The following DOCK3 variants were observed in gnomAD, a reference collection of about 807,000 sequenced individuals.
The protein encoded by DOCK3 is dedicator of cytokinesis protein 3.
A neutral mutation model predicts 265.6 loss-of-function variants in DOCK3; 60 were observed. The observed-to-expected ratio is 0.23, with a 90% confidence interval of 0.18 to 0.28. The LOEUF is 0.28. DOCK3 is among the 10% of genes least tolerant of loss of function. The probability of loss-of-function intolerance (pLI) is 1.00; values close to 1 mark genes in which losing one functional copy is unlikely to be tolerated. For missense variants in DOCK3, 1,981 were observed against 2,594.3 expected (o/e 0.76, Z 5.14); for synonymous variants, 881 against 938.0 (o/e 0.94, Z 1.11).
chr3:51,100,213 A>C (rs2083030503), intron 9 of DOCK3, among the ~76,000 whole-genome samples: 1 of 152,174 alleles, frequency 6.6e-6, no homozygotes, highest in Non-Finnish European at 1.5e-5. Flanking sequence ...AAATCCAAAA[A>C]CTACCTGACG....
At chr3:51,312,987 T>C (rs1341608608) in intron 31 of DOCK3, 85 bp downstream of exon 31, 1 of 1,284,370 alleles carries the variant, frequency 7.8e-7, no homozygotes, top group African/African-American at 1.5e-5. Context: ...TCCCAGGCTT[T>C]ATGAATGTTA....
At chr3:51,193,917 A>T (rs951006933) in intron 12 of DOCK3, among the ~76,000 whole-genome samples, 4 of 133,394 alleles carry the variant, frequency 3.0e-5, no homozygotes, top group Non-Finnish European at 6.4e-5. Context: ...TTCAGTCTCT[A>T]TTTCATTTTG....
At chr3:51,305,761 T>TG (rs779031609) in intron 27 of DOCK3, among the ~76,000 whole-genome samples, 73 of 149,460 alleles carry the variant, frequency 4.9e-4, no homozygotes, top group South Asian at 1.3e-3. Flanking sequence ...TGTGTGTGTG[T>TG]TTTTATTATA....
At chr3:50,806,539 G>T (rs1020412319) in intron 2 of DOCK3, among the ~76,000 whole-genome samples, 4 of 151,204 alleles carry the variant, frequency 2.6e-5, no homozygotes, top group Non-Finnish European at 5.9e-5. Context: ...GTAAGGACAT[G>T]GCTGGCTCTC....
At chr3:51,317,275 A>G (rs1315397197) in intron 32 of DOCK3, among the ~76,000 whole-genome samples, 3 of 151,678 alleles carry the variant, frequency 2.0e-5, no homozygotes, top group African/African-American at 7.2e-5. Context: ...CAAAAAAAAA[A>G]AAGAAAAACA....
At chr3:51,257,392 A>G (rs1371860943) in intron 22 of DOCK3, among the ~76,000 whole-genome samples, 2 of 152,140 alleles carry the variant, frequency 1.3e-5, no homozygotes, top group Non-Finnish European at 2.9e-5. Context: ...ATATCTTTCC[A>G]CTCATAACCT....
At chr3:51,310,545 A>G (rs1200648480) in intron 28 of DOCK3, among the ~76,000 whole-genome samples, 1 of 152,246 alleles carries the variant, frequency 6.6e-6, no homozygotes, top group Non-Finnish European at 1.5e-5. Flanking sequence ...TATAATATCC[A>G]GAGAAGGGTT....
intron 38 of DOCK3, among the ~76,000 whole-genome samples, chr3:51,347,543 CT>C (rs1192236203): frequency 2.6e-5 from 4 of 152,112 alleles, no homozygotes; most frequent in Non-Finnish European, 1.5e-5. Flanking sequence ...TCACTGTAGC[CT>C]TGTAGTATAG....
intron 1 of DOCK3, among the ~76,000 whole-genome samples, chr3:50,704,643 T>TTTTA: frequency 8.9e-6 from 1 of 112,698 alleles, no homozygotes; most frequent in South Asian, 3.0e-4. Context: ...TTTTTTTTTT[T>TTTTA]GAGACGGAGT....
chr3:50,952,712 G>C (rs1314060292), intron 5 of DOCK3, among the ~76,000 whole-genome samples: 1 of 152,088 alleles, frequency 6.6e-6, no homozygotes, highest in Non-Finnish European at 1.5e-5. Flanking sequence ...GTAATAGTTG[G>C]AAGGAGTGGA....
chr3:51,221,513 A>G (rs1290437811), intron 14 of DOCK3, among the ~76,000 whole-genome samples: 1 of 152,196 alleles, frequency 6.6e-6, no homozygotes, highest in African/African-American at 2.4e-5. Flanking sequence ...AATATTTACT[A>G]TTTAGTCTTT....
At position 51,277,850 on chromosome 3, in the gene DOCK3, C is replaced by T; in HGVS notation, c.2823+96C>T. The T allele has an allele frequency of 1.9e-6, 3 of 1,541,106 alleles. No homozygotes were observed. In the South Asian group the frequency reaches 3.7e-5, roughly 19 times the overall value. ...CATCTTACCATCCCACCACCTTCAT[C>T]TCAGCCTTCCCTCCTGCATGGTTGT... On this transcript the variant is annotated intron_variant, in intron 26 of 52. Transcript: ENST00000266037.
chr3:51,320,088 C>T (rs758115425), intron 32 of DOCK3, among the ~76,000 whole-genome samples: 13 of 152,220 alleles, frequency 8.5e-5, no homozygotes, highest in Middle Eastern at 3.4e-3. Flanking sequence ...ACACAGAAGG[C>T]GGGTGATTCC....
chr3:50,717,628 C>CT (rs1374045620), intron 1 of DOCK3, among the ~76,000 whole-genome samples: 1 of 152,008 alleles, frequency 6.6e-6, no homozygotes, highest in Non-Finnish European at 1.5e-5. Flanking sequence ...TTTATGTTTC[C>CT]TTTTTTTAAA....
chr3:51,039,643 T>G (rs1250797579), intron 5 of DOCK3, among the ~76,000 whole-genome samples: 1 of 152,184 alleles, frequency 6.6e-6, no homozygotes, highest in Admixed American at 6.5e-5. Flanking sequence ...ATTTGTTATC[T>G]TTTGTCTATT....
intron 5 of DOCK3, among the ~76,000 whole-genome samples, chr3:51,029,410 TGG>T (rs1014561831): frequency 6.6e-6 from 1 of 152,146 alleles, no homozygotes; most frequent in African/African-American, 2.4e-5. Context: ...TGGCTTTCAG[TGG>T]GGGTGGGGCT....
At position 50,675,196 on chromosome 3, in the gene DOCK3, G is replaced by A; in HGVS notation, c.-68G>A. ...CTCGACTCGCGGTGCGCCACAGCCG[G>A]GCCCGCGGCCGTCCCCGCCGCGTTG... is the stretch of plus-strand genomic sequence containing the variant. On this transcript the variant is annotated 5_prime_UTR_variant, in exon 1 of 53. Coordinates refer to ENST00000266037, the MANE Select transcript of DOCK3 (RefSeq NM_004947.5). This position sits in a 1 kb window ranked among gnomAD's most constrained non-coding sequence, Gnocchi z 6.1. 1 of 1,047,930 alleles carries A rather than the reference G, an allele frequency of 9.5e-7. No individual in the cohort carries two copies. Among genetic ancestry groups the A allele is most frequent in the Non-Finnish European group, 1.2e-6 (1 of 861,354 alleles). The allele number at this position is 1,047,930 out of a possible 1,614,324, so 64.9% of individuals were successfully genotyped here. A position where few individuals can be genotyped will look rare whatever the true frequency, so the allele number is the denominator to read the frequency against.
intron 1 of DOCK3, among the ~76,000 whole-genome samples, chr3:50,692,106 A>C (rs1204767109): frequency 6.6e-6 from 1 of 151,918 alleles, no homozygotes; most frequent in East Asian, 1.9e-4. Context: ...TTTAGAGGTA[A>C]TAGTCTTGCT....
At position 51,314,986 on chromosome 3, in the gene DOCK3, A is replaced by G. The variant is rs781749073; in HGVS notation, c.3260A>G (p.His1087Arg). The change falls in exon 32 of 53, where the codon CAT becomes CGT. Residue 1087 changes from histidine to arginine, a missense_variant. By Grantham distance (29) the His-to-Arg change is conservative. This residue lies in a region of DOCK3 where 1,357 missense variants were observed against 1,866.8 expected (regional missense o/e 0.73). Transcript: ENST00000266037. ...TTTGGGTTTTGTTTTTCAGGTGAAC[A>G]TAAGATCCACTTTATTCCGGGAATG... ...LFSMWQNLGE[H>R]KIHFIPGMIG... 1.0e-5 allele frequency: 16 copies of G among 1,604,826 alleles called. No individual in the cohort carries two copies. The highest frequency in any genetic ancestry group is 2.2e-5 in the South Asian group (2 of 89,942).
Sources: allele counts gnomAD v4.1 joint callset (sites outside exome capture counted in the v4.1 genomes callset), GRCh38; gene constraint gnomAD v4.1.1; regional missense constraint gnomAD v4.1.1; non-coding constraint Gnocchi (gnomAD v3.1); transcripts MANE v1.5; gene names NCBI Gene and HGNC (gene_info 2026-07-23, HGNC 2026-07-21).